The following UBE2D2 variants were observed in gnomAD, a reference collection of about 807,000 sequenced individuals.
UBE2D2 encodes ubiquitin conjugating enzyme E2 D2, also known as ubiquitin-conjugating enzyme E2 D2.
Under a neutral mutation model 24.2 loss-of-function variants are expected in UBE2D2, and 2 were observed. The ratio of observed to expected loss-of-function variants is 0.08; its 90% CI spans 0.03 to 0.26. The LOEUF is 0.26. Among genes scored for constraint, UBE2D2 ranks in the 10% least tolerant of loss-of-function variants. UBE2D2 has a pLI of 1.00. For synonymous variants in UBE2D2, 58 were observed against 56.5 expected, an observed-to-expected ratio of 1.03 and a Z score of -0.12; for missense variants, 44 against 177.6, an observed-to-expected ratio of 0.25 and a Z score of 4.28.
intron 1 of UBE2D2, among the ~76,000 whole-genome samples, chr5:139,583,279 A>G (rs751724955): frequency 2.0e-5 from 3 of 152,168 alleles, no homozygotes; most frequent in Non-Finnish European, 4.4e-5. Flanking sequence ...CCGGCCAATA[A>G]CAATGTATTC....
At chr5:139,609,828 G>C (rs1754275502) in intron 2 of UBE2D2, among the ~76,000 whole-genome samples, 2 of 146,594 alleles carry the variant, frequency 1.4e-5, no homozygotes, top group African/African-American at 2.5e-5. Flanking sequence ...CTGGAGTGCA[G>C]TGGCACGATC....
intron 1 of UBE2D2, among the ~76,000 whole-genome samples, chr5:139,550,340 T>C (rs1244711245): frequency 6.6e-6 from 1 of 152,122 alleles, no homozygotes; most frequent in Non-Finnish European, 1.5e-5. Context: ...AATACAGCAA[T>C]CAACACTCTG....
chr5:139,583,156 G>A (rs922998162), intron 1 of UBE2D2, among the ~76,000 whole-genome samples: 1 of 151,722 alleles, frequency 6.6e-6, no homozygotes, highest in Admixed American at 6.6e-5. Flanking sequence ...TGTATTTTTA[G>A]TAGAGACGGG....
chr5:139,562,396 GA>G (rs750789439), intron 1 of UBE2D2: 630 of 1,178,326 alleles, frequency 5.3e-4, no homozygotes, highest in East Asian at 3.0e-3. Context: ...AAGTTCAGAA[GA>G]AAAAAAAAAG....
intron 5 of UBE2D2, among the ~76,000 whole-genome samples, chr5:139,617,489 G>A (rs1474224733): frequency 6.7e-6 from 1 of 148,380 alleles, no homozygotes; most frequent in Admixed American, 7.0e-5. Flanking sequence ...CAATTCTCCT[G>A]CCTCAGCCTC....
intron 1 of UBE2D2, chr5:139,562,272 G>A: frequency 7.4e-7 from 1 of 1,357,510 alleles, no homozygotes; most frequent in Non-Finnish European, 9.7e-7. Context: ...CTGAGCTCGG[G>A]CTGACAGAGG....
intron 5 of UBE2D2, 57 bp downstream of exon 5, chr5:139,615,023 GTTAT>G (rs1184025998): frequency 4.0e-5 from 58 of 1,459,490 alleles, no homozygotes; most frequent in Non-Finnish European, 5.3e-5. Context: ...TCTTTTTAGA[GTTAT>G]TTATTTTTGA....
chr5:139,573,432 T>A (rs1324075794), intron 1 of UBE2D2, among the ~76,000 whole-genome samples: 5 of 152,182 alleles, frequency 3.3e-5, no homozygotes, highest in African/African-American at 1.2e-4. Context: ...CCTTTAAATG[T>A]CTTACTGTAT....
At chr5:139,550,125 T>G (rs1752888584) in intron 1 of UBE2D2, among the ~76,000 whole-genome samples, 1 of 151,788 alleles carries the variant, frequency 6.6e-6, no homozygotes, top group Non-Finnish European at 1.5e-5. Flanking sequence ...GCTAAAGGAT[T>G]GTAAATACAC....
chr5:139,590,858 G>A lies in UBE2D2; in HGVS notation c.25-9514G>A, dbSNP rs191677716. Reference sequence around the variant, plus strand: ...CGCCCAGGCTGGAGTGCAGTGGCGCGATCTTGGCTCATTGCAATGTCCGCC... The same window carrying A: ...CGCCCAGGCTGGAGTGCAGTGGCGCAATCTTGGCTCATTGCAATGTCCGCC... On this transcript the variant is annotated intron_variant, in intron 1 of 6. Transcript: ENST00000398733. 5.1e-5 allele frequency among the ~76,000 whole-genome samples: 7 copies of A among 137,500 alleles called. No homozygotes were observed. The East Asian group carries it at 8.8e-4, about 17-fold the overall frequency. 90.2% of individuals were successfully genotyped at this position (137,500 alleles called of 152,430 possible). A position where few individuals can be genotyped will look rare whatever the true frequency, so the allele number is the denominator to read the frequency against.
Position 139,561,643 on chromosome 5 carries a change from A to G in UBE2D2, c.-149A>G. ...AGGAGCTGAGTGGGCCCCGGCCCTC[A>G]GCCCGTCCCGCCGGACCCGCTTTCC... On this transcript the variant is annotated 5_prime_UTR_variant, in exon 1 of 7. Transcript: ENST00000398733. 1 of 555,610 alleles carries G rather than the reference A, an allele frequency of 1.8e-6. No individual in the cohort carries two copies. Among genetic ancestry groups the G allele is most frequent in the Non-Finnish European group, 3.0e-6 (1 of 336,728 alleles). 34.4% of individuals were successfully genotyped at this position (555,610 alleles called of 1,614,324 possible). A position where few individuals can be genotyped will look rare whatever the true frequency, so the allele number is the denominator to read the frequency against.
chr5:139,530,803 G>C (rs921531499), intron 1 of UBE2D2, among the ~76,000 whole-genome samples: 2 of 152,178 alleles, frequency 1.3e-5, no homozygotes, highest in African/African-American at 4.8e-5. Flanking sequence ...CATGGACTCA[G>C]TCCGGGAGCC....
At chr5:139,575,097 C>G (rs1753439207) in intron 1 of UBE2D2, among the ~76,000 whole-genome samples, 1 of 152,160 alleles carries the variant, frequency 6.6e-6, no homozygotes, top group Non-Finnish European at 1.5e-5. Context: ...AACCCTGCCA[C>G]TTAGCAGTTT....
intron 1 of UBE2D2, among the ~76,000 whole-genome samples, chr5:139,569,314 A>T (rs1352641012): frequency 6.6e-6 from 1 of 152,202 alleles, no homozygotes; most frequent in Non-Finnish European, 1.5e-5. Flanking sequence ...AATATAATTC[A>T]AACAGCCATC....
At chr5:139,565,921 T>G (rs549141922) in intron 1 of UBE2D2, among the ~76,000 whole-genome samples, 2 of 152,312 alleles carry the variant, frequency 1.3e-5, no homozygotes, top group East Asian at 3.9e-4. Context: ...ATTGTACATT[T>G]TAATGGTGTC....
intron 1 of UBE2D2, among the ~76,000 whole-genome samples, chr5:139,530,397 T>A (rs548366227): frequency 6.6e-6 from 1 of 152,174 alleles, no homozygotes; most frequent in Admixed American, 6.5e-5. Flanking sequence ...CTGCAAAAAA[T>A]GAAGCATAGC....
chr5:139,574,478 A>G (rs913886376), intron 1 of UBE2D2, among the ~76,000 whole-genome samples: 5 of 151,308 alleles, frequency 3.3e-5, no homozygotes, highest in Admixed American at 6.6e-5. Flanking sequence ...CCCATCCCCT[A>G]CCTCCTAAAT....
At chr5:139,548,184 T>TAAAAAAA (rs1420608616) in intron 1 of UBE2D2, among the ~76,000 whole-genome samples, 1 of 46,890 alleles carries the variant, frequency 2.1e-5, no homozygotes, top group Non-Finnish European at 3.5e-5. Context: ...AAAAAAAAAA[T>TAAAAAAA]AAAAAAAAAA....
At chr5:139,573,328 A>G (rs1018857959) in intron 1 of UBE2D2, among the ~76,000 whole-genome samples, 19 of 151,768 alleles carry the variant, frequency 1.3e-4, no homozygotes, top group African/African-American at 3.6e-4. Flanking sequence ...AAAAAAAAGT[A>G]CTATCAAGAT....
Sources: allele counts gnomAD v4.1 joint callset (sites outside exome capture counted in the v4.1 genomes callset), GRCh38; gene constraint gnomAD v4.1.1; transcripts MANE v1.5; gene names NCBI Gene and HGNC (gene_info 2026-07-23, HGNC 2026-07-21).